DZIP1: variants seen among roughly 807,000 people sequenced by gnomAD.
DZIP1 encodes DAZ interacting zinc finger protein 1.
In DZIP1, 97 loss-of-function variants were observed where a neutral mutation model predicts 107.6. The observed-to-expected ratio is 0.90, with a 90% CI of 0.77 to 1.07. The LOEUF (loss-of-function observed/expected upper bound fraction) is 1.07, where lower values mean the gene tolerates loss of function less well. DZIP1 is among the 50% of genes least tolerant of loss of function. The pLI is 0.00. For synonymous variants in DZIP1, 390 were observed against 386.4 expected (o/e 1.01, Z -0.11); for missense variants, 1,035 against 1,063.6 (o/e 0.97, Z 0.37).
At chr13:95,613,257 A>G (rs1330445471) in intron 10 of DZIP1, among the ~76,000 whole-genome samples, 1 of 152,236 alleles carries the variant, frequency 6.6e-6, no homozygotes, top group Non-Finnish European at 1.5e-5. Flanking sequence ...TCGTGCATGT[A>G]ATCCCAGCAC....
intron 7 of DZIP1, among the ~76,000 whole-genome samples, chr13:95,629,041 GAA>G (rs1876885686): frequency 1.3e-5 from 2 of 152,296 alleles, no homozygotes; most frequent in South Asian, 4.1e-4. Flanking sequence ...AAAAGAAAGA[GAA>G]AGAGTGAGCC....
At chr13:95,596,144 A>G (rs1366417256) in intron 15 of DZIP1, among the ~76,000 whole-genome samples, 2 of 152,220 alleles carry the variant, frequency 1.3e-5, no homozygotes, top group African/African-American at 4.8e-5. Flanking sequence ...ATGTAGAGTA[A>G]GCAGGGAAAA....
At chr13:95,608,438 T>C (rs2044854610) in intron 13 of DZIP1, among the ~76,000 whole-genome samples, 1 of 147,890 alleles carries the variant, frequency 6.8e-6, no homozygotes, top group South Asian at 2.2e-4. Context: ...TAACTAAATA[T>C]AGACTTGGGT....
Position 95,583,950 on chromosome 13 carries a change from C to A in DZIP1, c.2524+786G>T, listed in dbSNP as rs553890804. 3.3e-5 allele frequency among the ~76,000 whole-genome samples: 5 copies of A among 151,768 alleles called. No individual in the cohort carries two copies. The South Asian group carries it at 1.0e-3, about 32-fold the overall frequency. Reference sequence around the variant, plus strand: ...CCAGCCTAGGCAACATAGTGAGACCCCATATCCTAAAAAAAATAAAAAAAT... The same window carrying A: ...CCAGCCTAGGCAACATAGTGAGACCACATATCCTAAAAAAAATAAAAAAAT... On this transcript the variant is annotated intron_variant, in intron 22 of 22. Coordinates refer to ENST00000376829, the MANE Select transcript of DZIP1 (RefSeq NM_198968.4).
At chr13:95,589,957 T>C in intron 17 of DZIP1, 25 bp from the exon 18 acceptor site, 1 of 1,610,188 alleles carries the variant, frequency 6.2e-7, no homozygotes, top group East Asian at 2.2e-5. Context: ...CATTCATGAG[T>C]CTCCATTACC....
chr13:95,641,176 G>A lies in DZIP1; in HGVS notation c.597+119C>T. ...GACTGTTTTTGCTTAAATATACTGTGTCTTCTGATATACAATATAAATCTT... is the reference window on the plus strand; with the variant it reads ...GACTGTTTTTGCTTAAATATACTGTATCTTCTGATATACAATATAAATCTT... On this transcript the variant is annotated intron_variant, in intron 5 of 22. Coordinates refer to ENST00000376829, the MANE Select transcript of DZIP1 (RefSeq NM_198968.4). The surrounding 1 kb of genome is among the most constrained non-coding windows in gnomAD (Gnocchi z 4.3). The A allele has an allele frequency of 7.2e-7, 1 of 1,388,556 alleles. No homozygotes were observed. Among genetic ancestry groups the A allele is most frequent in the South Asian group, 1.6e-5 (1 of 64,490 alleles). 86.0% of individuals were successfully genotyped at this position (1,388,556 alleles called of 1,614,324 possible).
At chr13:95,616,384 CCTAG>C (rs773338636) in intron 10 of DZIP1, among the ~76,000 whole-genome samples, 8 of 152,130 alleles carry the variant, frequency 5.3e-5, no homozygotes, top group African/African-American at 4.8e-5. Flanking sequence ...TGAATGATGC[CCTAG>C]CTAGCTACCT....
At position 95,633,245 on chromosome 13, in the gene DZIP1, T is replaced by C. The variant is rs769372423; in HGVS notation, c.674A>G (p.Asn225Ser). 44 of 1,614,098 alleles carry C rather than the reference T, an allele frequency of 2.7e-5. No homozygotes were observed. The highest frequency in any genetic ancestry group is 3.6e-5 in the Non-Finnish European group (42 of 1,179,966). Reference sequence around the variant, plus strand: ...AACTCATTACTCACCAAAATGAGAATTTTCTTCAGTGTGGCGGCGTTGAAT... The same window carrying C: ...AACTCATTACTCACCAAAATGAGAACTTTCTTCAGTGTGGCGGCGTTGAAT... ...SHIQRRHTEE[N>S]SHFEYQKNAQ... The change falls in exon 6 of 23, where the codon AAT becomes AGT. Residue 225 changes from asparagine (N) to serine (S), a missense_variant. Physicochemically the swap from Asn to Ser is conservative, Grantham distance 46. Transcript: ENST00000376829.
chr13:95,605,834 T>A, intron 14 of DZIP1, among the ~76,000 whole-genome samples, 169 bp downstream of exon 14: 1 of 152,250 alleles, frequency 6.6e-6, no homozygotes, highest in Non-Finnish European at 1.5e-5. Context: ...ATGTCCAGTT[T>A]ACAACAATAT....
At chr13:95,617,279 G>C (rs1875227178) in intron 10 of DZIP1, among the ~76,000 whole-genome samples, 1 of 152,050 alleles carries the variant, frequency 6.6e-6, no homozygotes, top group Non-Finnish European at 1.5e-5. Flanking sequence ...ACACACTCTA[G>C]CTGGCCTTGA....
chr13:95,619,286 G>A (rs894371309), intron 10 of DZIP1, among the ~76,000 whole-genome samples: 5 of 152,144 alleles, frequency 3.3e-5, no homozygotes, highest in African/African-American at 1.2e-4. Flanking sequence ...GTATATATGA[G>A]GTTCTACACT....
At chr13:95,612,642 T>C (rs1159896661) in intron 10 of DZIP1, among the ~76,000 whole-genome samples, 2 of 152,068 alleles carry the variant, frequency 1.3e-5, no homozygotes, top group Non-Finnish European at 2.9e-5. Flanking sequence ...TGGAGTGCAG[T>C]GGAGCAATCT....
At position 95,641,490 on chromosome 13, in the gene DZIP1, T is replaced by G. The variant is rs1479929117; in HGVS notation, c.402A>C (p.Ser134=). The G allele has an allele frequency of 6.2e-7, 1 of 1,614,094 alleles. No homozygotes were observed. The highest frequency in any genetic ancestry group is 8.5e-7 in the Non-Finnish European group (1 of 1,179,992). Residue 134 remains serine, a synonymous_variant, in exon 5 of 23, where the codon TCA becomes TCC. Coordinates refer to ENST00000376829, the MANE Select transcript of DZIP1 (RefSeq NM_198968.4). This position sits in a 1 kb window ranked among gnomAD's most constrained non-coding sequence, Gnocchi z 4.3. ...AQFTIEYLLH[S]QEFLTSQLHT... The stretch of plus-strand genomic sequence containing the variant: ...GCAGCTGCGAGGTGAGGAACTCTTG[T>G]GAGTGCAGCAAGTACTCGATGGTGA...
rs1224335006 is a variant in DZIP1, at chr13:95,582,325, G to A, written c.2525-12C>T. 1 of 1,612,948 alleles carries A rather than the reference G, an allele frequency of 6.2e-7. No homozygotes were observed. The highest frequency in any genetic ancestry group is 2.2e-5 in the East Asian group (1 of 44,872). ...ATTTTCTTGAAGTCCTGTAAGTGGT[G>A]GGTAGAGGCAGAAGAGAAGGCCTCA... is the stretch of plus-strand genomic sequence containing the variant. On this transcript the variant is annotated splice_polypyrimidine_tract_variant and intron_variant, in intron 22 of 22. Transcript: ENST00000376829.
chr13:95,643,171 A>G lies in DZIP1; in HGVS notation c.-341T>C, dbSNP rs1190578360. 6.6e-6 allele frequency: 1 copy of G among 152,164 alleles called. No individual in the cohort carries two copies. The highest frequency in any genetic ancestry group is 1.9e-4 in the East Asian group (1 of 5,198). 9.4% of individuals were successfully genotyped at this position (152,164 alleles called of 1,614,324 possible). The stretch of plus-strand genomic sequence containing the variant: ...GGGGCCTCCAGTGGTTACCACAGAG[A>G]TCAATAAGCTGAGGAAAAGCCAGAC... On this transcript the variant is annotated 5_prime_UTR_variant, in exon 3 of 23. Transcript: ENST00000376829.
In DZIP1 at chr13:95,641,725, G is replaced by A. The variant is rs1451916962; in HGVS notation, c.167C>T (p.Pro56Leu). The A allele has an allele frequency of 5.6e-6, 9 of 1,598,112 alleles. No individual in the cohort carries two copies. The highest frequency in any genetic ancestry group is 7.6e-6 in the Non-Finnish European group (9 of 1,177,478). ...CAGCCGCGGCCTGAACTGGAAGAAGGGCAGGGGCCCCGAAGCCGCGCTGGG... is the reference window on the plus strand; with the variant it reads ...CAGCCGCGGCCTGAACTGGAAGAAGAGCAGGGGCCCCGAAGCCGCGCTGGG... ...APPSAASGPL[P>L]FFQFRPRLES... The change falls in exon 5 of 23, where the codon CCC becomes CTC. Residue 56 changes from proline to leucine, a missense_variant. Pro to Leu is a moderately conservative substitution (Grantham distance 98). Coordinates refer to ENST00000376829, the MANE Select transcript of DZIP1 (RefSeq NM_198968.4). The surrounding 1 kb of genome is among the most constrained non-coding windows in gnomAD (Gnocchi z 4.3).
rs200576151 is a variant in DZIP1, at chr13:95,635,614, GCT to G, written c.598-2295_598-2294del. On this transcript the variant is annotated intron_variant, in intron 5 of 22. Coordinates refer to ENST00000376829, the MANE Select transcript of DZIP1 (RefSeq NM_198968.4). ...AGAACTTTAGGGACCCCTCACACCA[GCT>G]CTGATGTAAGTCATATAGGCTCTCG... Among the ~76,000 whole-genome samples, 664 of 152,192 alleles carry G rather than the reference GCT, an allele frequency of 4.4e-3. 9 individuals carry two copies. The highest frequency in any genetic ancestry group is 0.015 in the African/African-American group (633 of 41,514).
Position 95,641,403 on chromosome 13 carries a change from G to A in DZIP1, c.489C>T (p.Leu163=). The change falls in exon 5 of 23, where the codon CTC becomes CTT. Residue 163 remains leucine, a synonymous_variant. Transcript: ENST00000376829. The surrounding 1 kb of genome is among the most constrained non-coding windows in gnomAD (Gnocchi z 4.3). ...TCTTGATCTCCCCCGCCTGCTTGGT[G>A]AGCAGCTTCTTGCTCTGCTCGCCGT... The part of the protein sequence containing the change: ...HCDGEQSKKL[L]TKQAGEIKTL... The A allele has an allele frequency of 6.2e-7, 1 of 1,614,106 alleles. No homozygotes were observed. Among genetic ancestry groups the A allele is most frequent in the South Asian group, 1.1e-5 (1 of 91,068 alleles).
At chr13:95,593,823 T>C in intron 16 of DZIP1, 121 bp downstream of exon 16, 1 of 1,220,100 alleles carries the variant, frequency 8.2e-7, no homozygotes, top group Admixed American at 2.7e-5. Flanking sequence ...TAGGTCACAT[T>C]AGCCTCTGTT....
Sources: gnomAD v4.1 joint callset for allele counts (sites outside exome capture counted in the v4.1 genomes callset) on GRCh38, gnomAD v4.1.1 for gene constraint, Gnocchi (gnomAD v3.1) non-coding constraint, MANE v1.5 for transcripts, NCBI Gene and HGNC (gene_info 2026-07-23, HGNC 2026-07-21) for gene names.